The following FRMD1 variants were observed in gnomAD, a reference collection of about 807,000 sequenced individuals.
FRMD1 encodes FERM domain containing 1.
Under a neutral mutation model 54.9 loss-of-function variants are expected in FRMD1, and 51 were observed. The ratio of observed to expected loss-of-function variants is 0.93; its 90% CI spans 0.74 to 1.17. The LOEUF is 1.17. Ranked by LOEUF, FRMD1 falls within the 50% of genes most tolerant of loss-of-function variation. FRMD1 has a pLI of 0.00. For synonymous variants in FRMD1, 324 were observed against 306.4 expected, an observed-to-expected ratio of 1.06 and a Z score of -0.60; for missense variants, 729 against 743.0, an observed-to-expected ratio of 0.98 and a Z score of 0.22.
At chr6:168,067,223 T>C in intron 3 of FRMD1, 144 bp downstream of exon 3, 1 of 630,052 alleles carries the variant, frequency 1.6e-6, no homozygotes, top group Non-Finnish European at 2.9e-6. Context: ...TCCACCGTGG[T>C]GCCCTGCTCT....
chr6:168,063,819 C>A (rs1799889546), intron 5 of FRMD1, 63 bp from the exon 6 acceptor site: 14 of 1,509,850 alleles, frequency 9.3e-6, no homozygotes, highest in Non-Finnish European at 1.2e-5. Context: ...CCTTGCCAGC[C>A]CCCTGCTCCG....
Position 168,059,144 on chromosome 6 carries a change from T to C in FRMD1, c.1387A>G (p.Ser463Gly), listed in dbSNP as rs1301538495. Reference sequence around the variant, plus strand: ...TCTACCTGGTGCACGGCCTCGGCGCTCTGGCCTCTGGTCCTGACCTGGGTG... The same window carrying C: ...TCTACCTGGTGCACGGCCTCGGCGCCCTGGCCTCTGGTCCTGACCTGGGTG... Reference protein sequence around the residue: ...PCTQVRTRGQSAEAVHQIQEM... With the variant: ...PCTQVRTRGQGAEAVHQIQEM... The change falls in exon 10 of 11, where the codon AGC becomes GGC. Residue 463 changes from serine (S) to glycine (G), a missense_variant. Transcript: ENST00000283309. This position sits in a 1 kb window ranked among gnomAD's most constrained non-coding sequence, Gnocchi z 4.4. The C allele has an allele frequency of 1.3e-6, 2 of 1,582,332 alleles. No individual in the cohort carries two copies. Among genetic ancestry groups the C allele is most frequent in the African/African-American group, 1.3e-5 (1 of 74,634 alleles).
chr6:168,077,840 G>A (rs893727250), intron 1 of FRMD1, among the ~76,000 whole-genome samples: 4 of 152,224 alleles, frequency 2.6e-5, no homozygotes, highest in Non-Finnish European at 4.4e-5. Context: ...CCCCCAGCCC[G>A]AGGCACTGCT....
At chr6:168,091,247 T>C (rs1291161436) in intron 1 of FRMD1, among the ~76,000 whole-genome samples, 1 of 152,222 alleles carries the variant, frequency 6.6e-6, no homozygotes, top group Non-Finnish European at 1.5e-5. Context: ...GACCCTGCAG[T>C]GTGCGCCTTC....
rs1471848645 is a variant in FRMD1, at chr6:168,053,556, C to A, written c.*3541G>T. The A allele has an allele frequency of 6.6e-6, 1 of 152,334 alleles. No homozygotes were observed. Among genetic ancestry groups the A allele is most frequent in the Non-Finnish European group, 1.5e-5 (1 of 68,100 alleles). 9.4% of individuals were successfully genotyped at this position (152,334 alleles called of 1,614,324 possible). On this transcript the variant is annotated 3_prime_UTR_variant, in exon 11 of 11. Transcript: ENST00000283309. The stretch of plus-strand genomic sequence containing the variant: ...GCCTCCCCTACGCGGGCCCCACACA[C>A]CCACAGGGCCCTCAGTGCCCCTCAA...
chr6:168,087,440 T>G (rs949615022), intron 1 of FRMD1, among the ~76,000 whole-genome samples: 1 of 152,194 alleles, frequency 6.6e-6, no homozygotes. Context: ...GGGTACATGT[T>G]GGTCAGCAGA....
chr6:168,063,031 C>A, intron 6 of FRMD1, 72 bp from the exon 7 acceptor site: 2 of 1,336,640 alleles, frequency 1.5e-6, no homozygotes, highest in South Asian at 2.3e-5. Context: ...AGAGTATGGT[C>A]AGTCTGGCTA....
intron 1 of FRMD1, among the ~76,000 whole-genome samples, chr6:168,076,838 T>G (rs1432444492): frequency 6.6e-6 from 1 of 152,250 alleles, no homozygotes; most frequent in Non-Finnish European, 1.5e-5. Flanking sequence ...ATAACTGGGC[T>G]TGACACATAT....
rs900489401 is a variant in FRMD1 at position 168,054,716 on chromosome 6, C to G, written c.*2381G>C. The G allele has an allele frequency of 6.6e-5, 10 of 152,310 alleles. No individual in the cohort carries two copies. Among genetic ancestry groups the G allele is most frequent in the Non-Finnish European group, 1.2e-4 (8 of 68,104 alleles). 9.4% of individuals were successfully genotyped at this position (152,310 alleles called of 1,614,324 possible). Reference sequence around the variant, plus strand: ...TGGCTTCCCCGACTTCCCGCAGCCCCGCTCTCTGCTGCTTTCTGTCTGGGA... The same window carrying G: ...TGGCTTCCCCGACTTCCCGCAGCCCGGCTCTCTGCTGCTTTCTGTCTGGGA... On this transcript the variant is annotated 3_prime_UTR_variant, in exon 11 of 11. Transcript: ENST00000283309.
chr6:168,064,529 C>T (rs569200276), intron 5 of FRMD1, among the ~76,000 whole-genome samples: 1 of 152,318 alleles, frequency 6.6e-6, no homozygotes, highest in East Asian at 1.9e-4. Context: ...AGGTTCACAG[C>T]CACAAGGCCC....
chr6:168,082,532 C>T (rs1800852414), upstream of FRMD1, among the ~76,000 whole-genome samples: 1 of 152,214 alleles, frequency 6.6e-6, no homozygotes, highest in Non-Finnish European at 1.5e-5. Flanking sequence ...TAACACACTT[C>T]CTCTCCTTGC....
chr6:168,057,519 C>A (rs776742968), intron 10 of FRMD1, 180 bp from the exon 11 acceptor site: 4 of 805,172 alleles, frequency 5.0e-6, no homozygotes, highest in African/African-American at 1.8e-5. Context: ...GCGAGAGAGG[C>A]TTGGCATCTT....
rs750202175 is a variant in FRMD1, at chr6:168,078,920, G to A, written c.175C>T (p.Leu59=). The A allele has an allele frequency of 6.2e-7, 1 of 1,604,716 alleles. No individual in the cohort carries two copies. The highest frequency in any genetic ancestry group is 1.7e-5 in the Admixed American group (1 of 59,914). The change falls in exon 1 of 11, where the codon CTG becomes TTG. Residue 59 remains leucine, a synonymous_variant. Transcript: ENST00000283309. ...CGCAGTTGCTCCCGGCTGGGCAGCA[G>A]CACGAGGACATCCCTGTGTTCCGAG... ...MASEHRDVLV[L]LPSREQLRLA...
At position 168,059,799 on chromosome 6, in the gene FRMD1, TGC is replaced by T. The variant is rs1799620295; in HGVS notation, c.1343-613_1343-612del. Among the ~76,000 whole-genome samples the T allele has an allele frequency of 2.0e-5, 3 of 152,082 alleles. No individual in the cohort carries two copies. In the South Asian group the frequency reaches 6.2e-4, roughly 32 times the overall value. ...ACAGGGTGCTGCATCCTGGGCCAGG[TGC>T]ACACACAGTCCTACACACAGGGAAT... On this transcript the variant is annotated intron_variant, in intron 9 of 10. Transcript: ENST00000283309. The surrounding 1 kb of genome is among the most constrained non-coding windows in gnomAD (Gnocchi z 4.4).
chr6:168,083,412 G>A (rs181369671), upstream of FRMD1, among the ~76,000 whole-genome samples: 19 of 152,344 alleles, frequency 1.2e-4, no homozygotes, highest in Admixed American at 9.1e-4. Context: ...GGCAGGAACC[G>A]CCCCAACCGA....
chr6:168,057,896 TGGCAGG>T (rs1187821893), intron 10 of FRMD1, among the ~76,000 whole-genome samples: 2 of 152,210 alleles, frequency 1.3e-5, no homozygotes, highest in Non-Finnish European at 2.9e-5. Flanking sequence ...TGGTGGCAGG[TGGCAGG>T]GGCAGGGGCA....
At chr6:168,075,147 T>G in intron 2 of FRMD1, 98 bp downstream of exon 2, 2 of 963,810 alleles carry the variant, frequency 2.1e-6, no homozygotes, top group Non-Finnish European at 3.3e-6. Context: ...GGTGTATAAC[T>G]GTGTACATTA....
chr6:168,090,072 C>T lies in FRMD1; in HGVS notation c.-11-11048G>A, dbSNP rs143883165. ...CCGCGTCCAGACAGTGAGCCAATCC[C>T]GGCGGCGTTACCCCCAGAACCCACC... On this transcript the variant is annotated intron_variant, in intron 1 of 12. Transcript: ENST00000644440. Among the ~76,000 whole-genome samples the T allele has an allele frequency of 2.7e-3, 405 of 152,240 alleles. 3 individuals are homozygous for T. The highest frequency in any genetic ancestry group is 9.1e-3 in the African/African-American group (379 of 41,554).
At chr6:168,091,708 C>T (rs926559638) in intron 1 of FRMD1, among the ~76,000 whole-genome samples, 2 of 152,236 alleles carry the variant, frequency 1.3e-5, no homozygotes, top group African/African-American at 2.4e-5. Flanking sequence ...ACACATGGGC[C>T]CAGTAGAGGC....
Sources: allele counts gnomAD v4.1 joint callset (sites outside exome capture counted in the v4.1 genomes callset), GRCh38; gene constraint gnomAD v4.1.1; non-coding constraint Gnocchi (gnomAD v3.1); transcripts MANE v1.5; gene names NCBI Gene and HGNC (gene_info 2026-07-23, HGNC 2026-07-21).